ATP6V0A2: variants seen among roughly 807,000 people sequenced by gnomAD.
ATP6V0A2 encodes V-type proton ATPase 116 kDa subunit a 2.
Under a neutral mutation model 104.4 loss-of-function variants are expected in ATP6V0A2, and 58 were observed. The ratio of observed to expected loss-of-function variants is 0.56; its 90% CI spans 0.45 to 0.69. ATP6V0A2 has a LOEUF of 0.69. Among genes scored for constraint, ATP6V0A2 ranks in the 30% least tolerant of loss-of-function variants. The pLI is 0.00. For synonymous variants in ATP6V0A2, 376 were observed against 397.9 expected, an observed-to-expected ratio of 0.95 and a Z score of 0.65; for missense variants, 938 against 1,062.9, an observed-to-expected ratio of 0.88 and a Z score of 1.63.
intron 2 of ATP6V0A2, among the ~76,000 whole-genome samples, chr12:123,719,592 G>C (rs1001920848): frequency 2.6e-5 from 4 of 151,740 alleles, no homozygotes; most frequent in African/African-American, 9.7e-5. Flanking sequence ...TTACCATGTT[G>C]GCCAGGCTGG....
intron 6 of ATP6V0A2, among the ~76,000 whole-genome samples, chr12:123,730,094 G>A (rs1454185657): frequency 1.6e-5 from 2 of 124,022 alleles, no homozygotes; most frequent in Admixed American, 2.1e-4. Context: ...TGGCTCTGTC[G>A]CCCAGGCTGG....
rs541719151 is a variant in ATP6V0A2 at position 123,734,840 on chromosome 12, CATAG to C, written c.732-683_732-680del. Among the ~76,000 whole-genome samples the C allele has an allele frequency of 5.9e-5, 9 of 152,282 alleles. No individual in the cohort carries two copies. The South Asian group carries it at 1.0e-3, about 18-fold the overall frequency. On this transcript the variant is annotated intron_variant, in intron 7 of 19. Transcript: ENST00000330342. ...GTCACCTGGATAAACCTTTTATTTT[CATAG>C]ATAGATATTTGTTTTACTGCAGATT...
chr12:123,721,734 G>A (rs75078162), intron 2 of ATP6V0A2: 3,376 of 154,580 alleles, frequency 0.022, 104 homozygotes, highest in African/African-American at 0.055. Flanking sequence ...AACTTCAGTG[G>A]TGAAACAGTG....
chr12:123,725,800 A>G (rs1299167518), intron 4 of ATP6V0A2, among the ~76,000 whole-genome samples: 1 of 151,752 alleles, frequency 6.6e-6, no homozygotes, highest in Non-Finnish European at 1.5e-5. Context: ...ATCTAAAAAA[A>G]AAAAAAAAGA....
In ATP6V0A2 at chr12:123,760,389, C is replaced by T. The variant is rs117222175; in HGVS notation, c.*2357C>T. 0.021 allele frequency: 3,179 copies of T among 152,248 alleles called. 54 individuals are homozygous for T. The highest frequency in any genetic ancestry group is 0.034 in the Non-Finnish European group (2,285 of 68,022). 9.4% of individuals were successfully genotyped at this position (152,248 alleles called of 1,614,324 possible). A position where few individuals can be genotyped will look rare whatever the true frequency, so the allele number is the denominator to read the frequency against. On this transcript the variant is annotated 3_prime_UTR_variant, in exon 20 of 20. Coordinates refer to ENST00000330342, the MANE Select transcript of ATP6V0A2 (RefSeq NM_012463.4). ...TGATAATAGTGTCTTATAGGGGCCA[C>T]GGGAATTTGTTTCTCTATAAAGCGA...
chr12:123,735,540 C>A lies in ATP6V0A2; in HGVS notation c.741C>A (p.Cys247Ter). Residue 247 changes from cysteine to a stop codon, truncating the protein, a stop_gained, in exon 8 of 20, where the codon TGC (cysteine) becomes TGA (stop). Transcript: ENST00000330342. LOFTEE classifies it high-confidence loss of function. ...AACTCTTGTCTTCCAGCTACCACTG[C>A]CACGTGTACCCCTATCCAAACACAG... ...KVKKICDCYH[C>*]HVYPYPNTAE... 1 of 1,613,902 alleles carries A rather than the reference C, an allele frequency of 6.2e-7. No individual in the cohort carries two copies.
chr12:123,751,083 C>A, intron 15 of ATP6V0A2, 27 bp from the exon 16 acceptor site: 1 of 1,613,966 alleles, frequency 6.2e-7, no homozygotes, highest in South Asian at 1.1e-5. Flanking sequence ...ACGTTTTAAT[C>A]GGGTTTCTCA....
rs7962913 is a variant in ATP6V0A2 at position 123,727,734 on chromosome 12, A to G, written c.522-49A>G. On this transcript the variant is annotated intron_variant, in intron 5 of 19. Transcript: ENST00000330342. ...TTCATCATTCTTAATGTAGTTTGAT[A>G]ACATTTATTGCTTTCAGTTGACTAC... is the stretch of plus-strand genomic sequence containing the variant. The G allele has an allele frequency of 0.011, 17,451 of 1,611,258 alleles. 886 individuals are homozygous for G. The African/African-American group carries it at 0.15, about 14-fold the overall frequency.
Position 123,760,055 on chromosome 12 carries a change from T to G in ATP6V0A2, c.*2023T>G, listed in dbSNP as rs1351632334. 6.6e-6 allele frequency: 1 copy of G among 152,226 alleles called. No individual in the cohort carries two copies. Among genetic ancestry groups the G allele is most frequent in the Non-Finnish European group, 1.5e-5 (1 of 68,042 alleles). 9.4% of individuals were successfully genotyped at this position (152,226 alleles called of 1,614,324 possible). On this transcript the variant is annotated 3_prime_UTR_variant, in exon 20 of 20. Transcript: ENST00000330342. ...CCACAAGGGGACATTTGTGTTACTT[T>G]GCTCCAGGGGTCTGTCATAAAAACA...
intron 2 of ATP6V0A2, 61 bp downstream of exon 2, chr12:123,718,762 C>T (rs1956368810): frequency 5.7e-6 from 7 of 1,238,158 alleles, no homozygotes; most frequent in African/African-American, 3.0e-5. Flanking sequence ...AAACCTTGTT[C>T]GGTTTAAAAA....
At chr12:123,753,172 ACT>A (rs1956732896) in intron 17 of ATP6V0A2, among the ~76,000 whole-genome samples, 2 of 135,684 alleles carry the variant, frequency 1.5e-5, no homozygotes, top group African/African-American at 5.6e-5. Flanking sequence ...TTTACCAGTG[ACT>A]GCTGCCTGAG....
chr12:123,717,603 C>A (rs1229077785), intron 1 of ATP6V0A2, among the ~76,000 whole-genome samples: 1 of 151,850 alleles, frequency 6.6e-6, no homozygotes, highest in African/African-American at 2.4e-5. Context: ...CACCACCAGG[C>A]CTGGCTAATT....
chr12:123,756,778 A>G (rs1198386087), intron 18 of ATP6V0A2, 37 bp from the exon 19 acceptor site: 1 of 1,611,884 alleles, frequency 6.2e-7, no homozygotes, highest in Non-Finnish European at 8.5e-7. Flanking sequence ...ACTGTACATA[A>G]GCGAGCATGA....
At position 123,744,238 on chromosome 12, in the gene ATP6V0A2, T is replaced by G. The variant is rs1956637652; in HGVS notation, c.1227T>G (p.Ala409=). 1.9e-6 allele frequency: 3 copies of G among 1,614,228 alleles called. No homozygotes were observed. Among genetic ancestry groups the G allele is most frequent in the Non-Finnish European group, 2.5e-6 (3 of 1,180,028 alleles). Reference sequence around the variant, plus strand: ...TCATCACCTTCCCGTTTTTATTTGCTGTGATGTTTGGAGACTTCGGACATG... The same window carrying G: ...TCATCACCTTCCCGTTTTTATTTGCGGTGATGTTTGGAGACTTCGGACATG... ...FTIITFPFLF[A]VMFGDFGHGF... is the part of the protein sequence containing the mutation. The change falls in exon 11 of 20, where the codon GCT becomes GCG. Residue 409 remains alanine (A), a synonymous_variant. Transcript: ENST00000330342. This position sits in a 1 kb window ranked among gnomAD's most constrained non-coding sequence, Gnocchi z 5.4.
At chr12:123,738,047 G>T (rs181038256) in intron 9 of ATP6V0A2, among the ~76,000 whole-genome samples, 1 of 152,316 alleles carries the variant, frequency 6.6e-6, no homozygotes, top group East Asian at 1.9e-4. Flanking sequence ...GACTGATTTT[G>T]ATAGATGTTG....
At chr12:123,738,325 C>T (rs1418016288) in intron 9 of ATP6V0A2, among the ~76,000 whole-genome samples, 20 of 150,896 alleles carry the variant, frequency 1.3e-4, no homozygotes, top group Admixed American at 1.1e-3. Flanking sequence ...TTGCTTGAGG[C>T]GGAGGTTGTG....
intron 9 of ATP6V0A2, among the ~76,000 whole-genome samples, chr12:123,742,549 C>T (rs1281681087): frequency 6.6e-6 from 1 of 152,122 alleles, no homozygotes; most frequent in African/African-American, 2.4e-5. Context: ...TTAAGAGACA[C>T]ATTTTGGCCG....
In ATP6V0A2 at chr12:123,712,381, C is replaced by G; in HGVS notation, c.-185C>G. On this transcript the variant is annotated 5_prime_UTR_variant, in exon 1 of 20. Transcript: ENST00000330342. Reference sequence around the variant, plus strand: ...ACCTCGCGGACTGCTGTGGCGGCAGCTGGAGCGGCGGCCGCGGTGGCAGAA... The same window carrying G: ...ACCTCGCGGACTGCTGTGGCGGCAGGTGGAGCGGCGGCCGCGGTGGCAGAA... The G allele has an allele frequency of 2.8e-6, 1 of 359,934 alleles. No homozygotes were observed. 22.3% of individuals were successfully genotyped at this position (359,934 alleles called of 1,614,324 possible). A position where few individuals can be genotyped will look rare whatever the true frequency, so the allele number is the denominator to read the frequency against.
Position 123,757,973 on chromosome 12 carries a change from G to T in ATP6V0A2, c.2512G>T (p.Val838Phe), listed in dbSNP as rs1234851642. The change falls in exon 20 of 20, where the codon GTT becomes TTT. Residue 838 changes from valine (V) to phenylalanine (F), a missense_variant. By Grantham distance (50) the Val-to-Phe change is conservative. Transcript: ENST00000330342. ...KFYVGAGTKF[V>F]PFSFSLLSSK... ...CTACGTTGGTGCAGGCACCAAATTT[G>T]TTCCTTTCTCATTCAGTCTACTTTC... The T allele has an allele frequency of 3.1e-6, 5 of 1,608,170 alleles. No individual in the cohort carries two copies. Among genetic ancestry groups the T allele is most frequent in the East Asian group, 2.2e-5 (1 of 44,744 alleles).
Sources: gnomAD v4.1 joint callset for allele counts (sites outside exome capture counted in the v4.1 genomes callset) on GRCh38, gnomAD v4.1.1 for gene constraint, Gnocchi (gnomAD v3.1) non-coding constraint, MANE v1.5 for transcripts, NCBI Gene and HGNC (gene_info 2026-07-23, HGNC 2026-07-21) for gene names.